The following AGBL4 variants were observed in gnomAD, a reference collection of about 807,000 sequenced individuals.
The protein encoded by AGBL4 is AGBL carboxypeptidase 4, also known as cytosolic carboxypeptidase 6.
Under a neutral mutation model 66.4 loss-of-function variants are expected in AGBL4, and 58 were observed. The ratio of observed to expected loss-of-function variants is 0.87; its 90% CI spans 0.71 to 1.09. The LOEUF is 1.09. AGBL4 is among the 50% of genes least tolerant of loss of function. AGBL4 has a pLI of 0.00. For synonymous variants in AGBL4, 234 were observed against 222.9 expected, an observed-to-expected ratio of 1.05 and a Z score of -0.44; for missense variants, 579 against 631.0, an observed-to-expected ratio of 0.92 and a Z score of 0.88.
At chr1:48,874,178 C>T (rs1002361893) in intron 5 of AGBL4, among the ~76,000 whole-genome samples, 2 of 152,144 alleles carry the variant, frequency 1.3e-5, no homozygotes, top group African/African-American at 4.8e-5. Context: ...GAAACAGGCG[C>T]CACAGGGGCA....
chr1:49,651,009 G>C (rs947437762), intron 3 of AGBL4, among the ~76,000 whole-genome samples: 2 of 152,072 alleles, frequency 1.3e-5, no homozygotes, highest in African/African-American at 2.4e-5. Context: ...TCTGCCCTCC[G>C]TACACAGAGC....
At chr1:50,016,373 C>A (rs1425092380) in intron 1 of AGBL4, among the ~76,000 whole-genome samples, 4 of 152,150 alleles carry the variant, frequency 2.6e-5, no homozygotes, top group African/African-American at 9.7e-5. Flanking sequence ...ACCAGCCTGG[C>A]CAACATGGCA....
At chr1:49,947,952 A>ATATATATATAAATATATATATT (rs1655378068) in intron 1 of AGBL4, among the ~76,000 whole-genome samples, 2 of 47,350 alleles carry the variant, frequency 4.2e-5, no homozygotes, top group Middle Eastern at 0.011. Context: ...AATAGCTGCA[A>ATATATATATAAATATATATATT]TATATATATA....
At chr1:49,075,680 T>C (rs1315601825) in intron 4 of AGBL4, among the ~76,000 whole-genome samples, 2 of 152,206 alleles carry the variant, frequency 1.3e-5, no homozygotes, top group Admixed American at 6.5e-5. Context: ...ATTATCCAGA[T>C]TGGTCCGAGG....
intron 3 of AGBL4, among the ~76,000 whole-genome samples, chr1:49,498,290 T>C (rs1480194587): frequency 1.3e-5 from 2 of 151,872 alleles, no homozygotes; most frequent in African/African-American, 4.8e-5. Context: ...ATCATGTTTG[T>C]AGACTGTGTT....
At chr1:49,534,045 G>A (rs926441916) in intron 3 of AGBL4, among the ~76,000 whole-genome samples, 4 of 151,894 alleles carry the variant, frequency 2.6e-5, no homozygotes, top group Non-Finnish European at 5.9e-5. Context: ...AACTTTCTAA[G>A]TATAACCACC....
intron 3 of AGBL4, among the ~76,000 whole-genome samples, chr1:49,619,543 C>T (rs1298784701): frequency 6.6e-6 from 1 of 152,018 alleles, no homozygotes; most frequent in African/African-American, 2.4e-5. Context: ...GGCCATAGTG[C>T]CCAAAGTAAT....
chr1:48,540,780 T>C (rs760866806), intron 11 of AGBL4, among the ~76,000 whole-genome samples: 2 of 152,160 alleles, frequency 1.3e-5, no homozygotes, highest in Non-Finnish European at 2.9e-5. Context: ...ATCTTGAATG[T>C]TTTCACTTCT....
downstream of AGBL4, among the ~76,000 whole-genome samples, chr1:48,529,659 A>G (rs1304289987): frequency 6.6e-6 from 1 of 152,128 alleles, no homozygotes; most frequent in Non-Finnish European, 1.5e-5. Context: ...GAAGGCAGGA[A>G]CTTAGAGGAA....
chr1:48,929,334 T>G (rs1557471271), intron 5 of AGBL4, among the ~76,000 whole-genome samples: 1 of 152,194 alleles, frequency 6.6e-6, no homozygotes. Flanking sequence ...CAGCCGCATT[T>G]GTATCCTTTC....
intron 3 of AGBL4, among the ~76,000 whole-genome samples, chr1:49,278,147 T>A (rs1018979469): frequency 6.6e-6 from 1 of 152,134 alleles, no homozygotes; most frequent in Admixed American, 6.6e-5. Context: ...AAAATCAGGT[T>A]TATTTGACTC....
At chr1:48,617,646 T>C (rs942468085) in intron 9 of AGBL4, among the ~76,000 whole-genome samples, 8 of 152,190 alleles carry the variant, frequency 5.3e-5, no homozygotes, top group South Asian at 2.1e-4. Context: ...ATGGGGATTC[T>C]CTCTACCTTT....
intron 2 of AGBL4, among the ~76,000 whole-genome samples, chr1:49,763,248 C>A (rs1325340338): frequency 6.6e-6 from 1 of 152,194 alleles, no homozygotes; most frequent in Admixed American, 6.5e-5. Context: ...AGATTTTATG[C>A]CAGTCCCATG....
At chr1:49,480,925 T>C (rs1646943244) in intron 3 of AGBL4, among the ~76,000 whole-genome samples, 1 of 152,060 alleles carries the variant, frequency 6.6e-6, no homozygotes, top group South Asian at 2.1e-4. Flanking sequence ...TTCGTCAGGT[T>C]TGTCACAGAT....
intron 11 of AGBL4, among the ~76,000 whole-genome samples, chr1:48,575,548 C>A (rs980368930): frequency 6.6e-6 from 1 of 152,250 alleles, no homozygotes; most frequent in African/African-American, 2.4e-5. Context: ...TAGCCTTCTC[C>A]GGCCTCATTG....
chr1:49,444,756 C>T lies in AGBL4; in HGVS notation c.283-198892G>A, dbSNP rs1267124967. Among the ~76,000 whole-genome samples, 6 of 151,964 alleles carry T rather than the reference C, an allele frequency of 3.9e-5. No homozygotes were observed. The East Asian group carries it at 5.8e-4, about 15-fold the overall frequency. On this transcript the variant is annotated intron_variant, in intron 3 of 13. Coordinates refer to ENST00000371839, the MANE Select transcript of AGBL4 (RefSeq NM_032785.4). ...AATTCTATACCTTTTAATTGGAGCA[C>T]ACAATCTGTTTACATGCAAGGCTAT... is the stretch of plus-strand genomic sequence containing the variant.
chr1:48,914,988 G>A (rs78082364), intron 5 of AGBL4, among the ~76,000 whole-genome samples: 4,893 of 152,246 alleles, frequency 0.032, 256 homozygotes, highest in African/African-American at 0.11. Context: ...AATTAAATCA[G>A]TCTTACACTG....
At chr1:49,781,005 T>C (rs553461072) in intron 2 of AGBL4, among the ~76,000 whole-genome samples, 2 of 152,188 alleles carry the variant, frequency 1.3e-5, no homozygotes, top group South Asian at 2.1e-4. Flanking sequence ...AAGATACAAA[T>C]TGATGATAAG....
chr1:49,235,649 T>C (rs1024487305), intron 4 of AGBL4, among the ~76,000 whole-genome samples: 2 of 152,208 alleles, frequency 1.3e-5, no homozygotes, highest in Non-Finnish European at 2.9e-5. Context: ...GTATATCTCT[T>C]TAAATAAATT....
Sources: gnomAD v4.1 joint callset for allele counts (sites outside exome capture counted in the v4.1 genomes callset) on GRCh38, gnomAD v4.1.1 for gene constraint, MANE v1.5 for transcripts, NCBI Gene and HGNC (gene_info 2026-07-23, HGNC 2026-07-21) for gene names.